The following ARMH3 variants were observed in gnomAD, a reference collection of about 807,000 sequenced individuals.
ARMH3 encodes the protein armadillo-like helical domain-containing protein 3.
A neutral mutation model predicts 99.1 loss-of-function variants in ARMH3; 60 were observed. That is an observed-to-expected ratio of 0.61 (90% CI 0.49 to 0.75). ARMH3 has a LOEUF of 0.75. Among genes scored for constraint, ARMH3 ranks in the 30% least tolerant of loss-of-function variants. ARMH3 has a pLI of 0.00. For synonymous variants in ARMH3, 285 were observed against 292.8 expected (o/e 0.97, Z 0.27); for missense variants, 679 against 843.1 (o/e 0.81, Z 2.41).
intron 1 of ARMH3, among the ~76,000 whole-genome samples, chr10:102,053,550 A>G (rs567363463): frequency 2.6e-5 from 4 of 152,026 alleles, no homozygotes; most frequent in African/African-American, 4.8e-5. Flanking sequence ...GCCTTTTCTT[A>G]CTTGTGCAAT....
intron 19 of ARMH3, among the ~76,000 whole-genome samples, chr10:101,980,054 G>T (rs1846161051): frequency 6.6e-6 from 1 of 152,008 alleles, no homozygotes; most frequent in Non-Finnish European, 1.5e-5. Context: ...TCAACCACAG[G>T]CCCAAGGCTT....
intron 23 of ARMH3, among the ~76,000 whole-genome samples, chr10:101,907,680 G>A (rs1234383926): frequency 1.3e-5 from 2 of 152,120 alleles, no homozygotes; most frequent in African/African-American, 4.8e-5. Context: ...CACCGTGCTG[G>A]GCCGGGATAA....
At chr10:101,898,159 T>C (rs1173350085) in intron 23 of ARMH3, among the ~76,000 whole-genome samples, 1 of 151,670 alleles carries the variant, frequency 6.6e-6, no homozygotes, top group East Asian at 1.9e-4. Flanking sequence ...GTGGGAGAAG[T>C]GCTTAGCTCA....
chr10:102,008,718 AT>A (rs918786905), intron 13 of ARMH3, among the ~76,000 whole-genome samples: 49 of 146,976 alleles, frequency 3.3e-4, no homozygotes, highest in African/African-American at 8.3e-4. Flanking sequence ...ACGCCCAGCT[AT>A]TTTTTTTTTA....
At chr10:102,036,976 C>A (rs1407614102) in intron 2 of ARMH3, among the ~76,000 whole-genome samples, 1 of 151,526 alleles carries the variant, frequency 6.6e-6, no homozygotes, top group Non-Finnish European at 1.5e-5. Context: ...TGCTTGAACC[C>A]AGGAGGTGGA....
intron 22 of ARMH3, among the ~76,000 whole-genome samples, chr10:101,946,927 A>G (rs146325679): frequency 1.3e-5 from 2 of 152,056 alleles, no homozygotes; most frequent in African/African-American, 4.8e-5. Context: ...AAGGACAGGT[A>G]CGGTGGTGGC....
At chr10:101,880,838 T>C (rs2067396863) in intron 24 of ARMH3, among the ~76,000 whole-genome samples, 1 of 152,182 alleles carries the variant, frequency 6.6e-6, no homozygotes, top group Admixed American at 6.5e-5. Flanking sequence ...CCTAACAATG[T>C]TGTTCCCCAC....
At chr10:102,047,821 G>A (rs2067593799) in intron 1 of ARMH3, among the ~76,000 whole-genome samples, 1 of 152,134 alleles carries the variant, frequency 6.6e-6, no homozygotes, top group Non-Finnish European at 1.5e-5. Context: ...CTCCAGATCA[G>A]TGATTCTCAA....
intron 8 of ARMH3, among the ~76,000 whole-genome samples, chr10:102,019,710 A>G (rs904736598): frequency 2.0e-5 from 3 of 151,280 alleles, no homozygotes. Context: ...GGCGGATCAC[A>G]AGGTCAGGAG....
chr10:102,048,184 C>T (rs1475608024), intron 1 of ARMH3, among the ~76,000 whole-genome samples: 1 of 152,180 alleles, frequency 6.6e-6, no homozygotes, highest in Non-Finnish European at 1.5e-5. Context: ...TGAAGCAACA[C>T]TCACCTTATC....
intron 19 of ARMH3, among the ~76,000 whole-genome samples, chr10:101,990,178 T>C (rs1846718233): frequency 6.6e-6 from 1 of 151,036 alleles, no homozygotes; most frequent in Admixed American, 6.6e-5. Flanking sequence ...CCATGAACTT[T>C]CTTTTTTTTT....
At chr10:101,923,358 T>TA in intron 23 of ARMH3, among the ~76,000 whole-genome samples, 1 of 152,318 alleles carries the variant, frequency 6.6e-6, no homozygotes, top group East Asian at 1.9e-4. Context: ...CTACTGGAGC[T>TA]AAAAAATCTT....
At chr10:102,055,514 G>T (rs1386012542) in intron 1 of ARMH3, among the ~76,000 whole-genome samples, 1 of 152,028 alleles carries the variant, frequency 6.6e-6, no homozygotes, top group Non-Finnish European at 1.5e-5. Flanking sequence ...CTGGGAACAG[G>T]TTCCTTTCCT....
At chr10:101,940,066 A>C (rs569702925) in intron 22 of ARMH3, 128 bp from the exon 23 acceptor site, 334 of 641,560 alleles carry the variant, frequency 5.2e-4, no homozygotes, top group South Asian at 5.3e-4. Context: ...TCTTCTGTTA[A>C]AAACATCCTC....
intron 5 of ARMH3, 87 bp from the exon 6 acceptor site, chr10:102,025,335 T>C (rs2066977448): frequency 4.0e-6 from 4 of 998,400 alleles, no homozygotes; most frequent in Non-Finnish European, 6.2e-6. Flanking sequence ...CAGGGTAATG[T>C]GAATAACACA....
chr10:102,052,120 A>G (rs1590245644), intron 1 of ARMH3, among the ~76,000 whole-genome samples: 1 of 151,996 alleles, frequency 6.6e-6, no homozygotes, highest in African/African-American at 2.4e-5. Flanking sequence ...ACTGTCACTC[A>G]TATCTTCTCA....
In ARMH3 at chr10:102,012,713, C is replaced by T. The variant is rs1325301468; in HGVS notation, c.770+120G>A. ...CTAGAGCAAATACATCTGCCAGGGG[C>T]TGTACATCTGAATACTCTTAGACTA... On this transcript the variant is annotated intron_variant, in intron 10 of 25. Coordinates refer to ENST00000370033, the MANE Select transcript of ARMH3 (RefSeq NM_024541.3). 9 of 879,822 alleles carry T rather than the reference C, an allele frequency of 1.0e-5. No individual in the cohort carries two copies. In the East Asian group the frequency reaches 2.3e-4, roughly 22 times the overall value. The allele number at this position is 879,822 out of a possible 1,614,324, so 54.5% of individuals were successfully genotyped here.
At chr10:102,048,526 C>T (rs2067612317) in intron 1 of ARMH3, among the ~76,000 whole-genome samples, 1 of 152,122 alleles carries the variant, frequency 6.6e-6, no homozygotes, top group Non-Finnish European at 1.5e-5. Flanking sequence ...TCCTGGGTTC[C>T]AGCAATTCTC....
chr10:101,969,965 T>C (rs763625801), intron 20 of ARMH3, among the ~76,000 whole-genome samples: 51 of 152,216 alleles, frequency 3.4e-4, no homozygotes, highest in Non-Finnish European at 5.3e-4. Context: ...CTGTGATCCA[T>C]AGATAAATGT....
Sources: gnomAD v4.1 joint callset for allele counts (sites outside exome capture counted in the v4.1 genomes callset) on GRCh38, gnomAD v4.1.1 for gene constraint, MANE v1.5 for transcripts, NCBI Gene and HGNC (gene_info 2026-07-23, HGNC 2026-07-21) for gene names.